The following PGRMC1 variants were observed in gnomAD, a reference collection of about 807,000 sequenced individuals.
The protein encoded by PGRMC1 is progesterone receptor membrane component 1.
For missense variants in PGRMC1, 145 were observed against 169.0 expected (o/e 0.86, Z 0.79); for synonymous variants, 73 against 77.3 (o/e 0.94, Z 0.29).
intron 1 of PGRMC1, 107 bp downstream of exon 1, chrX:119,236,798 G>T: frequency 1.5e-6 from 1 of 659,363 alleles, no homozygotes; most frequent in Non-Finnish European, 2.2e-6. Context: ...GTGGAGGGAG[G>T]AATGGCGGCG....
chrX:119,239,027 A>C (rs1412618576), intron 1 of PGRMC1, among the ~76,000 whole-genome samples: 2 of 112,146 alleles, frequency 1.8e-5, no homozygotes, highest in African/African-American at 6.5e-5. Flanking sequence ...TAAATATTCT[A>C]TGAGGTTTAA....
intron 1 of PGRMC1, among the ~76,000 whole-genome samples, chrX:119,238,770 C>G (rs1343318526): frequency 8.9e-6 from 1 of 112,000 alleles, no homozygotes; most frequent in African/African-American, 3.2e-5. Flanking sequence ...GAGCCCATGA[C>G]TACGTGACAT....
chrX:119,240,071 A>G (rs1163861523), intron 1 of PGRMC1, among the ~76,000 whole-genome samples: 2 of 111,950 alleles, frequency 1.8e-5, no homozygotes, highest in Non-Finnish European at 3.8e-5. Flanking sequence ...ACCACAGGAG[A>G]CTGACGCAAA....
At position 119,236,547 on chromosome X, in the gene PGRMC1, C is replaced by G; in HGVS notation, c.184C>G (p.Pro62Ala). The G allele has an allele frequency of 2.5e-6, 3 of 1,208,690 alleles. No individual in the cohort carries two copies. Among genetic ancestry groups the G allele is most frequent in the Middle Eastern group, 2.3e-4 (1 of 4,325 alleles). The change falls in exon 1 of 3, where the codon CCG (proline) becomes GCG (alanine). Residue 62 changes from proline to alanine, a missense_variant. Transcript: ENST00000217971. Reference protein sequence around the residue: ...AASGDSDDDEPPPLPRLKRRD... With the variant: ...AASGDSDDDEAPPLPRLKRRD... ...CAGCGGCGACAGCGACGACGACGAG[C>G]CGCCCCCTCTGCCCCGCCTCAAGCG... is the stretch of plus-strand genomic sequence containing the variant.
chrX:119,241,492 A>G (rs768763100), intron 2 of PGRMC1, among the ~76,000 whole-genome samples: 3 of 112,448 alleles, frequency 2.7e-5, no homozygotes, highest in Non-Finnish European at 5.6e-5. Context: ...CTTTGTAATT[A>G]GTTTTCTATA....
At chrX:119,243,076 C>T (rs1423052199) in intron 2 of PGRMC1, 75 bp from the exon 3 acceptor site, 4 of 668,105 alleles carry the variant, frequency 6.0e-6, no homozygotes, top group Non-Finnish European at 9.9e-6. Flanking sequence ...CTAATAAATG[C>T]TTTAAATTGA....
chrX:119,243,377 T>A lies in PGRMC1; in HGVS notation c.*123T>A, dbSNP rs887112463. On this transcript the variant is annotated 3_prime_UTR_variant, in exon 3 of 3. Transcript: ENST00000217971. Reference sequence around the variant, plus strand: ...TTTTGAGCACTTGCTATAAGTTTTTTAATTAACATCACTAGTGACACTAAT... The same window carrying A: ...TTTTGAGCACTTGCTATAAGTTTTTAAATTAACATCACTAGTGACACTAAT... The A allele has an allele frequency of 3.9e-6, 2 of 509,069 alleles. No individual in the cohort carries two copies. Among genetic ancestry groups the A allele is most frequent in the Non-Finnish European group, 7.1e-6 (2 of 281,496 alleles). 42.0% of individuals were successfully genotyped at this position (509,069 alleles called of 1,213,427 possible).
At position 119,244,221 on chromosome X, in the gene PGRMC1, A is replaced by G; in HGVS notation, c.*967A>G. ...ATTCTGTTGTTATAAAACTATACCCACTGCAAAAGTAGTAGTCAAGTGTCT... is the reference window on the plus strand; with the variant it reads ...ATTCTGTTGTTATAAAACTATACCCGCTGCAAAAGTAGTAGTCAAGTGTCT... On this transcript the variant is annotated 3_prime_UTR_variant, in exon 3 of 3. Coordinates refer to ENST00000217971, the MANE Select transcript of PGRMC1 (RefSeq NM_006667.5). The G allele has an allele frequency of 8.9e-6, 1 of 112,796 alleles. No individual in the cohort carries two copies. Among genetic ancestry groups the G allele is most frequent in the Non-Finnish European group, 1.9e-5 (1 of 53,281 alleles). The allele number at this position is 112,796 out of a possible 1,213,427, so 9.3% of individuals were successfully genotyped here. A position where few individuals can be genotyped will look rare whatever the true frequency, so the allele number is the denominator to read the frequency against.
chrX:119,240,328 T>C lies in PGRMC1; in HGVS notation c.348T>C (p.Phe116=). The C allele has an allele frequency of 8.3e-7, 1 of 1,211,075 alleles. No homozygotes were observed. The change falls in exon 2 of 3, where the codon TTT becomes TTC. Residue 116 remains phenylalanine, a synonymous_variant. Transcript: ENST00000217971. ...TTGAAGAGGGGCCGTATGGGGTCTTTGCTGGAAGAGATGCATCCAGGGGCC... is the reference window on the plus strand; with the variant it reads ...TTGAAGAGGGGCCGTATGGGGTCTTCGCTGGAAGAGATGCATCCAGGGGCC... The part of the protein sequence containing the change: ...FYGPEGPYGV[F]AGRDASRGLA...
chrX:119,242,064 C>T (rs1364060862), intron 2 of PGRMC1, among the ~76,000 whole-genome samples: 2 of 111,454 alleles, frequency 1.8e-5, no homozygotes, highest in East Asian at 5.6e-4. Context: ...ACTATTATTC[C>T]TTCCTTTCAC....
rs1930874870 is a variant in PGRMC1 at position 119,243,748 on chromosome X, G to A, written c.*494G>A. 1 of 134,090 alleles carries A rather than the reference G, an allele frequency of 7.5e-6. No homozygotes were observed. Among genetic ancestry groups the A allele is most frequent in the East Asian group, 2.1e-4 (1 of 4,772 alleles). 11.1% of individuals were successfully genotyped at this position (134,090 alleles called of 1,213,427 possible). A position where few individuals can be genotyped will look rare whatever the true frequency, so the allele number is the denominator to read the frequency against. Reference sequence around the variant, plus strand: ...CCAAAGACTTTGGTATGGATTAAGCGCTGTCCAGTAACAAAATGAAATCTC... The same window carrying A: ...CCAAAGACTTTGGTATGGATTAAGCACTGTCCAGTAACAAAATGAAATCTC... On this transcript the variant is annotated 3_prime_UTR_variant, in exon 3 of 3. Transcript: ENST00000217971.
At chrX:119,238,091 A>T (rs1484097487) in intron 1 of PGRMC1, among the ~76,000 whole-genome samples, 1 of 112,229 alleles carries the variant, frequency 8.9e-6, no homozygotes, top group Non-Finnish European at 1.9e-5. Context: ...GAGAGGGAAG[A>T]GTACAGAAGG....
At position 119,243,283 on chromosome X, in the gene PGRMC1, G is replaced by A. The variant is rs376581895; in HGVS notation, c.*29G>A. 2 of 947,251 alleles carry A rather than the reference G, an allele frequency of 2.1e-6. No homozygotes were observed. The highest frequency in any genetic ancestry group is 3.8e-5 in the African/African-American group (2 of 52,509). The allele number at this position is 947,251 out of a possible 1,213,427, so 78.1% of individuals were successfully genotyped here. On this transcript the variant is annotated 3_prime_UTR_variant, in exon 3 of 3. Transcript: ENST00000217971. The stretch of plus-strand genomic sequence containing the variant: ...ATTCAGTGGAAGTATATCTATTTTT[G>A]TATTTTGCAAAATCATTTGTAACAG...
At chrX:119,236,825 T>TAGGCGGGC (rs1419607547) in intron 1 of PGRMC1, 134 bp downstream of exon 1, 1 of 542,511 alleles carries the variant, frequency 1.8e-6, no homozygotes, top group Non-Finnish European at 2.8e-6. Context: ...GGTAGGCGGG[T>TAGGCGGGC]AGGCGGGCAG....
chrX:119,237,406 C>G (rs1930726594), intron 1 of PGRMC1, among the ~76,000 whole-genome samples: 1 of 109,137 alleles, frequency 9.2e-6, no homozygotes, highest in Non-Finnish European at 1.9e-5. Context: ...GGTCATGCGT[C>G]AGGTATGTGT....
At position 119,236,488 on chromosome X, in the gene PGRMC1, T is replaced by C; in HGVS notation, c.125T>C (p.Leu42Pro). Residue 42 changes from leucine to proline, a missense_variant, in exon 1 of 3, where the codon CTC (leucine) becomes CCC (proline). Coordinates refer to ENST00000217971, the MANE Select transcript of PGRMC1 (RefSeq NM_006667.5). ...LLLLGLCIFL[L>P]YKIVRGDQPA... ...CTGCTTGGCCTCTGCATCTTCCTGC[T>C]CTACAAGATCGTGCGCGGGGACCAG... 8.3e-7 allele frequency: 1 copy of C among 1,210,291 alleles called. No individual in the cohort carries two copies. Among genetic ancestry groups the C allele is most frequent in the Non-Finnish European group, 1.1e-6 (1 of 894,875 alleles).
At chrX:119,240,276 A>G (rs1371419167) in intron 1 of PGRMC1, 33 bp from the exon 2 acceptor site, 6 of 1,196,750 alleles carry the variant, frequency 5.0e-6, no homozygotes, top group Non-Finnish European at 6.8e-6. Context: ...TGACTGTCTA[A>G]TAAAGAATTG....
In PGRMC1 at chrX:119,238,196, CATTT is replaced by C. The variant is rs781622244; in HGVS notation, c.328+1513_328+1516del. On this transcript the variant is annotated intron_variant, in intron 1 of 2. Coordinates refer to ENST00000217971, the MANE Select transcript of PGRMC1 (RefSeq NM_006667.5). ...AAGGAGCTCAGTTTTTTCTTGCAGA[CATTT>C]ATTTATTATAAAAAATAAATTTTAT... Among the ~76,000 whole-genome samples, 635 of 111,363 alleles carry C rather than the reference CATTT, an allele frequency of 5.7e-3. 7 individuals carry two copies. Among genetic ancestry groups the C allele is most frequent in the African/African-American group, 0.02 (600 of 30,654 alleles).
chrX:119,240,530 A>G (rs1038921177), intron 2 of PGRMC1, 66 bp downstream of exon 2: 1 of 947,586 alleles, frequency 1.1e-6, no homozygotes, highest in Admixed American at 2.2e-5. Context: ...TGGCAGGACA[A>G]TAGTTATTAC....
Sources: allele counts gnomAD v4.1 joint callset (sites outside exome capture counted in the v4.1 genomes callset), GRCh38; gene constraint gnomAD v4.1.1; transcripts MANE v1.5; gene names NCBI Gene and HGNC (gene_info 2026-07-23, HGNC 2026-07-21).